FAF2: variants seen among roughly 807,000 people sequenced by gnomAD.
FAF2 encodes FAS-associated factor 2.
A neutral mutation model predicts 62.3 loss-of-function variants in FAF2; 9 were observed. The ratio of observed to expected loss-of-function variants is 0.14; its 90% CI spans 0.09 to 0.25. The LOEUF is 0.25. Ranked by LOEUF, FAF2 falls within the 10% of genes least tolerant of loss-of-function variation. The probability of loss-of-function intolerance (pLI) is 1.00; values close to 1 mark genes in which losing one functional copy is unlikely to be tolerated. For synonymous variants in FAF2, 202 were observed against 198.0 expected, an observed-to-expected ratio of 1.02 and a Z score of -0.17; for missense variants, 368 against 556.2, an observed-to-expected ratio of 0.66 and a Z score of 3.40.
intron 1 of FAF2, among the ~76,000 whole-genome samples, chr5:176,459,352 G>T (rs1297443693): frequency 4.1e-5 from 6 of 147,892 alleles, no homozygotes; most frequent in African/African-American, 1.5e-4. Context: ...CCAACCTCCT[G>T]GGCTCAGGCA....
intron 7 of FAF2, 124 bp from the exon 8 acceptor site, chr5:176,496,362 A>G: frequency 1.4e-6 from 1 of 710,828 alleles, no homozygotes; most frequent in Non-Finnish European, 2.1e-6. Context: ...CGGAGACTAA[A>G]TGATACCTCT....
chr5:176,496,437 C>G (rs1483373448), intron 7 of FAF2, 49 bp from the exon 8 acceptor site: 1 of 1,445,554 alleles, frequency 6.9e-7, no homozygotes, highest in South Asian at 1.5e-5. Context: ...AAGGGTTGAT[C>G]TTTTTCACCG....
At chr5:176,468,996 G>T (rs1758516658) in intron 1 of FAF2, among the ~76,000 whole-genome samples, 1 of 152,078 alleles carries the variant, frequency 6.6e-6, no homozygotes, top group Admixed American at 6.6e-5. Context: ...TATAGTCCCA[G>T]CACTTTGGGA....
At chr5:176,476,590 C>CA (rs1758694750) in intron 1 of FAF2, among the ~76,000 whole-genome samples, 1 of 147,424 alleles carries the variant, frequency 6.8e-6, no homozygotes. Flanking sequence ...AGGGAGCAGT[C>CA]ATTTGCACAC....
intron 9 of FAF2, among the ~76,000 whole-genome samples, chr5:176,499,481 CTTTTTG>C (rs1288957758): frequency 6.6e-6 from 1 of 152,008 alleles, no homozygotes; most frequent in Non-Finnish European, 1.5e-5. Context: ...TACTCATTAT[CTTTTTG>C]TTTTTGTTTT....
At chr5:176,467,126 T>C (rs1758482304) in intron 1 of FAF2, among the ~76,000 whole-genome samples, 1 of 130,688 alleles carries the variant, frequency 7.7e-6, no homozygotes, top group Non-Finnish European at 1.6e-5. Flanking sequence ...TGTTTTTTTT[T>C]TCCTTTTTTT....
intron 4 of FAF2, among the ~76,000 whole-genome samples, chr5:176,491,768 G>GTA (rs77634723): frequency 0.077 from 11,770 of 152,220 alleles, 627 homozygotes; most frequent in Non-Finnish European, 0.12. Flanking sequence ...AATTTTAATT[G>GTA]TATGTAATAG....
At chr5:176,464,015 C>T (rs1758424081) in intron 1 of FAF2, among the ~76,000 whole-genome samples, 1 of 152,162 alleles carries the variant, frequency 6.6e-6, no homozygotes, top group South Asian at 2.1e-4. Context: ...CAGGCGTGAG[C>T]CACTGTGCCG....
intron 1 of FAF2, among the ~76,000 whole-genome samples, chr5:176,473,934 A>G (rs1219298364): frequency 6.6e-6 from 1 of 152,158 alleles, no homozygotes; most frequent in Admixed American, 6.5e-5. Context: ...AAGATTCTCT[A>G]GGCACATCTT....
At chr5:176,506,706 CGTGT>C (rs760990895) in intron 10 of FAF2, 58 bp from the exon 11 acceptor site, 19 of 564,954 alleles carry the variant, frequency 3.4e-5, no homozygotes, top group East Asian at 4.1e-5. Context: ...TGCGTGTGTG[CGTGT>C]GTGTGTGTGT....
chr5:176,485,883 A>G (rs139239220), intron 2 of FAF2, among the ~76,000 whole-genome samples: 1 of 152,196 alleles, frequency 6.6e-6, no homozygotes, highest in Non-Finnish European at 1.5e-5. Context: ...AGGCTCATAC[A>G]TTGAGCAACT....
Position 176,451,775 on chromosome 5 carries a change from CGTGT to C in FAF2, c.63+3314_63+3317del, listed in dbSNP as rs199639593. Among the ~76,000 whole-genome samples, 14 of 88,302 alleles carry C rather than the reference CGTGT, an allele frequency of 1.6e-4. No homozygotes were observed. In the South Asian group the frequency reaches 1.7e-3, roughly 11 times the overall value. The allele number at this position is 88,302 out of a possible 152,430, so 57.9% of individuals were successfully genotyped here. On this transcript the variant is annotated intron_variant, in intron 1 of 10. Transcript: ENST00000261942. ...TATATTGTATATATACATATATATA[CGTGT>C]GTGTGTGTATATATATATACATATA...
intron 1 of FAF2, among the ~76,000 whole-genome samples, chr5:176,451,785 TGTATATATATATAC>T (rs1561813350): frequency 1.2e-5 from 1 of 83,330 alleles, no homozygotes; most frequent in African/African-American, 4.3e-5. Context: ...CGTGTGTGTG[TGTATATATATATAC>T]ATATATATAT....
chr5:176,461,498 A>T (rs59166688), intron 1 of FAF2, among the ~76,000 whole-genome samples: 2,222 of 142,216 alleles, frequency 0.016, 47 homozygotes, highest in African/African-American at 0.051. Flanking sequence ...TTTTTATTTT[A>T]TTTTTTTTTT....
chr5:176,461,312 C>CT (rs60608969), intron 1 of FAF2, among the ~76,000 whole-genome samples: 50,685 of 70,772 alleles, frequency 0.72, 19,519 homozygotes, highest in Non-Finnish European at 0.75. Flanking sequence ...CTGTGCCCAG[C>CT]TTTTTTTTTT....
intron 10 of FAF2, among the ~76,000 whole-genome samples, chr5:176,503,546 A>G (rs1203926856): frequency 8.4e-6 from 1 of 118,596 alleles, no homozygotes; most frequent in African/African-American, 3.4e-5. Context: ...AAAAAGCAAA[A>G]TTCTGTCTCA....
At position 176,448,479 on chromosome 5, in the gene FAF2, G is replaced by C. The variant is rs1259394495; in HGVS notation, c.63+9G>C. On this transcript the variant is annotated intron_variant, in intron 1 of 10. Coordinates refer to ENST00000261942, the MANE Select transcript of FAF2 (RefSeq NM_014613.3). The stretch of plus-strand genomic sequence containing the variant: ...AGCTGCTGCAGTTTCAGGTAGCAGC[G>C]AGTACTCGGTGCAGCAGATGCCTCC... 1.9e-6 allele frequency: 3 copies of C among 1,591,036 alleles called. No homozygotes were observed. The highest frequency in any genetic ancestry group is 2.6e-6 in the Non-Finnish European group (3 of 1,169,026).
At chr5:176,479,595 G>A (rs1758757044) in intron 2 of FAF2, among the ~76,000 whole-genome samples, 2 of 152,074 alleles carry the variant, frequency 1.3e-5, no homozygotes, top group Admixed American at 6.5e-5. Context: ...TGTCTAGGTA[G>A]TCATGTTCTC....
intron 1 of FAF2, among the ~76,000 whole-genome samples, chr5:176,476,935 GAGTAGCTGGGACTAC>G (rs935860274): frequency 1.3e-5 from 2 of 148,808 alleles, no homozygotes; most frequent in African/African-American, 5.0e-5. Flanking sequence ...TCAGCCTCCT[GAGTAGCTGGGACTAC>G]AGGCGCCCAC....
Sources: gnomAD v4.1 joint callset for allele counts (sites outside exome capture counted in the v4.1 genomes callset) on GRCh38, gnomAD v4.1.1 for gene constraint, MANE v1.5 for transcripts, NCBI Gene and HGNC (gene_info 2026-07-23, HGNC 2026-07-21) for gene names.